Variants in ZFHX3 observed in about 807,000 individuals in gnomAD.
The protein encoded by ZFHX3 is zinc finger homeobox protein 3.
Under a neutral mutation model 279.1 loss-of-function variants are expected in ZFHX3, and 42 were observed. The ratio of observed to expected loss-of-function variants is 0.15; its 90% CI spans 0.12 to 0.19. The LOEUF is 0.19. Ranked by LOEUF, ZFHX3 falls within the 10% of genes least tolerant of loss-of-function variation. The pLI, the probability that ZFHX3 is intolerant of heterozygous loss-of-function variation, is 1.00. For missense variants in ZFHX3, 4,981 were observed against 4,754.0 expected, an observed-to-expected ratio of 1.05 and a Z score of -1.40; for synonymous variants, 2,293 against 1,957.8, an observed-to-expected ratio of 1.17 and a Z score of -4.52.
At chr16:72,915,705 G>A (rs1447850348) in intron 3 of ZFHX3, among the ~76,000 whole-genome samples, 1 of 151,948 alleles carries the variant, frequency 6.6e-6, no homozygotes, top group Non-Finnish European at 1.5e-5. Context: ...CAAGGCTCCA[G>A]TGAGCCGTGT....
chr16:73,693,652 G>A (rs1167521285), intron 1 of ZFHX3, among the ~76,000 whole-genome samples: 2 of 152,164 alleles, frequency 1.3e-5, no homozygotes, highest in African/African-American at 4.8e-5. Flanking sequence ...TGTCTCATAA[G>A]CACAAACTCG....
At chr16:72,803,507 A>G (rs1358119589) in intron 7 of ZFHX3, among the ~76,000 whole-genome samples, 1 of 152,178 alleles carries the variant, frequency 6.6e-6, no homozygotes, top group Non-Finnish European at 1.5e-5. Flanking sequence ...TGGTCCTACC[A>G]CCAATTTTCC....
chr16:72,974,238 G>C (rs1260361511), intron 1 of ZFHX3, among the ~76,000 whole-genome samples: 1 of 152,138 alleles, frequency 6.6e-6, no homozygotes, highest in Non-Finnish European at 1.5e-5. Flanking sequence ...GCTTTTCTCT[G>C]GGCCTGTGGC....
intron 5 of ZFHX3, among the ~76,000 whole-genome samples, chr16:73,197,051 T>G (rs569164745): frequency 6.6e-6 from 1 of 152,274 alleles, no homozygotes; most frequent in African/African-American, 2.4e-5. Context: ...AAGGAGTTAT[T>G]GCCCACCATA....
At chr16:73,361,146 AAC>A (rs1219617857) in intron 3 of ZFHX3, among the ~76,000 whole-genome samples, 4 of 152,232 alleles carry the variant, frequency 2.6e-5, no homozygotes, top group South Asian at 2.1e-4. Context: ...GGTCTGGAAT[AAC>A]TAAAGGACTC....
At chr16:73,840,913 T>C (rs1457488706) in intron 1 of ZFHX3, among the ~76,000 whole-genome samples, 2 of 151,842 alleles carry the variant, frequency 1.3e-5, no homozygotes, top group African/African-American at 4.8e-5. Flanking sequence ...AGGAAACTGC[T>C]CCAAACAACA....
At chr16:73,625,071 A>T (rs951007500) in intron 2 of ZFHX3, among the ~76,000 whole-genome samples, 1 of 152,184 alleles carries the variant, frequency 6.6e-6, no homozygotes, top group African/African-American at 2.4e-5. Context: ...TTTTTATTTT[A>T]GGTGTCTGAG....
intron 4 of ZFHX3, among the ~76,000 whole-genome samples, chr16:72,867,573 C>G (rs985426773): frequency 4.6e-5 from 7 of 152,220 alleles, no homozygotes; most frequent in African/African-American, 1.7e-4. Context: ...TGAGCAAACT[C>G]TTCTTCCATT....
intron 3 of ZFHX3, among the ~76,000 whole-genome samples, chr16:73,438,669 A>G (rs2018036625): frequency 6.6e-6 from 1 of 152,242 alleles, no homozygotes; most frequent in African/African-American, 2.4e-5. Flanking sequence ...TAGAGGAATA[A>G]TCACATTAAT....
intron 7 of ZFHX3, among the ~76,000 whole-genome samples, chr16:73,097,419 C>T (rs575066859): frequency 1.3e-5 from 2 of 152,214 alleles, no homozygotes; most frequent in South Asian, 4.1e-4. Context: ...TGAGACAGCT[C>T]TTACTGTCTT....
chr16:73,220,151 T>C (rs995532934), intron 5 of ZFHX3, among the ~76,000 whole-genome samples: 7 of 151,828 alleles, frequency 4.6e-5, no homozygotes, highest in African/African-American at 9.7e-5. Flanking sequence ...TGGGTATACA[T>C]AGACATAAAG....
chr16:73,745,444 A>G (rs1231154319), intron 1 of ZFHX3, among the ~76,000 whole-genome samples: 1 of 152,222 alleles, frequency 6.6e-6, no homozygotes, highest in East Asian at 1.9e-4. Flanking sequence ...GGTCAGACAC[A>G]AAGGCCCTCA....
intron 1 of ZFHX3, among the ~76,000 whole-genome samples, chr16:73,754,387 G>C (rs187995778): frequency 6.6e-6 from 1 of 151,970 alleles, no homozygotes; most frequent in Non-Finnish European, 1.5e-5. Flanking sequence ...TCTTGACTCC[G>C]GGAAGAGAGA....
intron 4 of ZFHX3, among the ~76,000 whole-genome samples, chr16:73,272,379 G>T (rs1466817203): frequency 1.3e-5 from 2 of 152,154 alleles, no homozygotes; most frequent in African/African-American, 4.8e-5. Context: ...CTGAAAAACA[G>T]CTGTATATAA....
intron 8 of ZFHX3, among the ~76,000 whole-genome samples, chr16:73,081,939 G>T (rs1484698363): frequency 6.6e-6 from 1 of 150,804 alleles, no homozygotes; most frequent in African/African-American, 2.4e-5. Flanking sequence ...CAGGTTCAAG[G>T]GATCCTCCTG....
At chr16:73,576,695 TA>T (rs1244014856) in intron 2 of ZFHX3, among the ~76,000 whole-genome samples, 1 of 117,290 alleles carries the variant, frequency 8.5e-6, no homozygotes, top group Non-Finnish European at 1.7e-5. Flanking sequence ...TAAAGAACAT[TA>T]AAAAAACAAA....
At position 72,787,692 on chromosome 16, in the gene ZFHX3, C is replaced by G. The variant is rs377246983; in HGVS notation, c.10584G>C (p.Ser3528=). 97 of 1,442,124 alleles carry G rather than the reference C, an allele frequency of 6.7e-5. No homozygotes were observed. The highest frequency in any genetic ancestry group is 3.0e-4 in the South Asian group (17 of 55,838). 89.3% of individuals were successfully genotyped at this position (1,442,124 alleles called of 1,614,324 possible). The stretch of plus-strand genomic sequence containing the variant: ...CGCTCTCGCACGCCAGGCAGTGGTA[C>G]GAGCCGCCGCCGCCGCCGCCGCCGC... The part of the protein sequence containing the change: ...GGGGGGGGGG[S]YHCLACESAL... Residue 3528 remains serine (S), a synonymous_variant, in exon 10 of 10, where the codon TCG becomes TCC. Transcript: ENST00000268489.
chr16:72,928,821 G>A (rs563637596), intron 3 of ZFHX3, among the ~76,000 whole-genome samples: 1 of 152,214 alleles, frequency 6.6e-6, no homozygotes, highest in Non-Finnish European at 1.5e-5. Flanking sequence ...GTTTAGCTGG[G>A]TGTGGTGGTA....
intron 2 of ZFHX3, among the ~76,000 whole-genome samples, chr16:73,617,514 C>A (rs1039234013): frequency 2.0e-5 from 3 of 152,216 alleles, no homozygotes; most frequent in African/African-American, 7.2e-5. Context: ...TGACCATCTA[C>A]TTCAATGCTT....
Sources: allele counts gnomAD v4.1 joint callset (sites outside exome capture counted in the v4.1 genomes callset), GRCh38; gene constraint gnomAD v4.1.1; transcripts MANE v1.5; gene names NCBI Gene and HGNC (gene_info 2026-07-23, HGNC 2026-07-21).